KCNN3: variants seen among roughly 807,000 people sequenced by gnomAD.
KCNN3 encodes the protein small conductance calcium-activated potassium channel protein 3.
Under a neutral mutation model 62.9 loss-of-function variants are expected in KCNN3, and 16 were observed. The ratio of observed to expected loss-of-function variants is 0.25; its 90% CI spans 0.17 to 0.39. The LOEUF is 0.39. KCNN3 is among the 10% of genes least tolerant of loss of function. KCNN3 has a pLI of 1.00. For missense variants in KCNN3, 599 were observed against 949.4 expected (o/e 0.63, Z 4.85); for synonymous variants, 370 against 389.2 (o/e 0.95, Z 0.58).
At chr1:154,757,120 AGGGTATG>A (rs1199860667) in intron 3 of KCNN3, among the ~76,000 whole-genome samples, 1 of 152,200 alleles carries the variant, frequency 6.6e-6, no homozygotes, top group Non-Finnish European at 1.5e-5. Context: ...TGTAGGAAAT[AGGGTATG>A]GGGGGAATCA....
chr1:154,869,415 C>A lies in KCNN3; in HGVS notation c.550G>T (p.Val184Phe). ...AMSSCKYSGG[V>F]MKPLSRLSAS... ...CTGAGGCGGCTGAGGGGCTTCATGA[C>A]CCCACCGCTATACTTGCAGGAGCTC... The change falls in exon 1 of 8, where the codon GTC (valine) becomes TTC (phenylalanine). Residue 184 changes from valine to phenylalanine, a missense_variant. Physicochemically the swap from Val to Phe is conservative, Grantham distance 50. Coordinates refer to ENST00000271915, the MANE Select transcript of KCNN3 (RefSeq NM_002249.6). This position sits in a 1 kb window ranked among gnomAD's most constrained non-coding sequence, Gnocchi z 6.1. 6.2e-7 allele frequency: 1 copy of A among 1,614,016 alleles called. No individual in the cohort carries two copies. Among genetic ancestry groups the A allele is most frequent in the Non-Finnish European group, 8.5e-7 (1 of 1,179,938 alleles).
At chr1:154,807,343 G>A (rs79305266) in intron 2 of KCNN3, among the ~76,000 whole-genome samples, 8,746 of 152,228 alleles carry the variant, frequency 0.057, 281 homozygotes, top group Non-Finnish European at 0.073. Flanking sequence ...CCTCTACAGC[G>A]CCAGCTGCTC....
chr1:154,823,896 C>T (rs891944484), intron 1 of KCNN3, among the ~76,000 whole-genome samples: 1 of 152,152 alleles, frequency 6.6e-6, no homozygotes, highest in Non-Finnish European at 1.5e-5. Context: ...GTGCCCAGGT[C>T]CATGCTCTCG....
chr1:154,850,219 A>G (rs1189335664), intron 1 of KCNN3, among the ~76,000 whole-genome samples: 1 of 152,206 alleles, frequency 6.6e-6, no homozygotes, highest in African/African-American at 2.4e-5. Flanking sequence ...CTTCATTAAC[A>G]TCACTTCACA....
intron 3 of KCNN3, among the ~76,000 whole-genome samples, chr1:154,750,043 G>A (rs1179038629): frequency 2.6e-5 from 4 of 152,150 alleles, no homozygotes; most frequent in African/African-American, 4.8e-5. Context: ...GGGCTGGTCC[G>A]GCCCCAACTG....
chr1:154,778,173 C>T (rs1648870749), intron 2 of KCNN3, among the ~76,000 whole-genome samples: 1 of 152,140 alleles, frequency 6.6e-6, no homozygotes, highest in African/African-American at 2.4e-5. Flanking sequence ...GGATTTTCAG[C>T]CGTTAGTATA....
intron 5 of KCNN3, among the ~76,000 whole-genome samples, chr1:154,716,436 C>T (rs1307200076): frequency 6.6e-6 from 1 of 152,226 alleles, no homozygotes; most frequent in African/African-American, 2.4e-5. Context: ...TATAGACCTG[C>T]TTCTTCAGAC....
intron 3 of KCNN3, among the ~76,000 whole-genome samples, chr1:154,734,028 C>T (rs1486282438): frequency 6.6e-6 from 1 of 152,180 alleles, no homozygotes; most frequent in Non-Finnish European, 1.5e-5. Context: ...ATGACCTTGA[C>T]CCAAACACAT....
chr1:154,823,137 T>C (rs1411641352), intron 1 of KCNN3, among the ~76,000 whole-genome samples: 5 of 152,210 alleles, frequency 3.3e-5, no homozygotes, highest in Admixed American at 6.5e-5. Context: ...ACTACCCTTA[T>C]CATTTACTTT....
chr1:154,853,589 T>C (rs1652391944), intron 1 of KCNN3, among the ~76,000 whole-genome samples: 1 of 152,300 alleles, frequency 6.6e-6, no homozygotes, highest in African/African-American at 2.4e-5. Context: ...TGCCTCGGCC[T>C]CTCAAAGTGC....
At chr1:154,787,304 A>G (rs528526899) in intron 2 of KCNN3, among the ~76,000 whole-genome samples, 98 of 152,168 alleles carry the variant, frequency 6.4e-4, no homozygotes, top group Non-Finnish European at 1.3e-4. Flanking sequence ...CTGCTCCACC[A>G]TTCCCTCCAT....
intron 1 of KCNN3, among the ~76,000 whole-genome samples, chr1:154,846,018 C>T (rs560202236): frequency 1.3e-5 from 2 of 152,284 alleles, no homozygotes; most frequent in East Asian, 3.9e-4. Flanking sequence ...TGGCAAGCAG[C>T]CTGCCGGTCC....
intron 1 of KCNN3, among the ~76,000 whole-genome samples, chr1:154,830,607 C>A (rs1651344369): frequency 6.6e-6 from 1 of 152,200 alleles, no homozygotes; most frequent in Admixed American, 6.5e-5. Context: ...GGTCTCGACA[C>A]AAAACTCATA....
At chr1:154,857,694 T>C (rs1165736455) in intron 1 of KCNN3, among the ~76,000 whole-genome samples, 2 of 152,148 alleles carry the variant, frequency 1.3e-5, no homozygotes, top group Non-Finnish European at 2.9e-5. Context: ...TGTGAGACCC[T>C]GAGCAAGTCA....
chr1:154,754,091 C>T (rs6667045), intron 3 of KCNN3, among the ~76,000 whole-genome samples: 26,051 of 152,104 alleles, frequency 0.17, 2,711 homozygotes, highest in African/African-American at 0.29. Flanking sequence ...TGAACCAAAC[C>T]GGTTTTATCA....
rs891344709 is a variant in KCNN3 at position 154,753,199 on chromosome 1, C to T, written c.1448+18776G>A. 6.6e-5 allele frequency among the ~76,000 whole-genome samples: 10 copies of T among 152,134 alleles called. No homozygotes were observed. The East Asian group carries it at 1.7e-3, about 26-fold the overall frequency. On this transcript the variant is annotated intron_variant, in intron 3 of 7. Transcript: ENST00000271915. ...CTACTTAACTCAGTAAGTTTGACAACATAGATGTTTACTTTATTAAGTTTG... is the reference window on the plus strand; with the variant it reads ...CTACTTAACTCAGTAAGTTTGACAATATAGATGTTTACTTTATTAAGTTTG...
At chr1:154,719,073 C>T (rs771149180) in intron 5 of KCNN3, among the ~76,000 whole-genome samples, 15 of 152,084 alleles carry the variant, frequency 9.9e-5, no homozygotes, top group Non-Finnish European at 1.5e-4. Flanking sequence ...CTGTCGGTTG[C>T]GGCAAGAATG....
intron 2 of KCNN3, among the ~76,000 whole-genome samples, chr1:154,814,532 G>A (rs1445771199): frequency 2.0e-5 from 3 of 152,206 alleles, no homozygotes; most frequent in Non-Finnish European, 4.4e-5. Context: ...GGGGGACGAT[G>A]GCCAGAGAGA....
chr1:154,722,930 C>A (rs541970050), intron 5 of KCNN3, among the ~76,000 whole-genome samples: 3 of 152,006 alleles, frequency 2.0e-5, no homozygotes, highest in Non-Finnish European at 4.4e-5. Flanking sequence ...CAGGGTTTCA[C>A]CATGTTGGTC....
Sources: gnomAD v4.1 joint callset for allele counts (sites outside exome capture counted in the v4.1 genomes callset) on GRCh38, gnomAD v4.1.1 for gene constraint, Gnocchi (gnomAD v3.1) non-coding constraint, MANE v1.5 for transcripts, NCBI Gene and HGNC (gene_info 2026-07-23, HGNC 2026-07-21) for gene names.